Variants in P2RY8 observed in about 807,000 individuals in gnomAD.
The protein encoded by P2RY8 is S-geranylgeranyl-glutathione receptor P2RY8.
Under a neutral mutation model 10.0 loss-of-function variants are expected in P2RY8, and 6 were observed. That is an observed-to-expected ratio of 0.60 (90% CI 0.33 to 1.19). The LOEUF is 1.19. Among genes scored for constraint, P2RY8 ranks in the 50% most tolerant of loss-of-function variants. The pLI, the probability that P2RY8 is intolerant of heterozygous loss-of-function variation, is 0.04. For synonymous variants in P2RY8, 276 were observed against 252.5 expected (o/e 1.09, Z -0.88); for missense variants, 456 against 542.0 (o/e 0.84, Z 1.58).
intron 1 of P2RY8, among the ~76,000 whole-genome samples, chrX:1,509,799 A>T (rs1252152420): frequency 0.041 from 1,808 of 44,364 alleles, 49 homozygotes; most frequent in African/African-American, 0.089. Flanking sequence ...TATCCATCCT[A>T]TCTATCTATC....
intron 1 of P2RY8, among the ~76,000 whole-genome samples, chrX:1,512,326 C>T (rs774948268): frequency 6.6e-6 from 1 of 152,130 alleles, no homozygotes; most frequent in East Asian, 1.9e-4. Context: ...GTGGGTGGAT[C>T]ACCTGAGGTC....
At chrX:1,532,573 A>AGC (rs1410496528) in intron 1 of P2RY8, among the ~76,000 whole-genome samples, 1 of 151,954 alleles carries the variant, frequency 6.6e-6, no homozygotes, top group Non-Finnish European at 1.5e-5. Context: ...AGTCATGAAA[A>AGC]AGAATAGCAT....
At chrX:1,508,289 T>G (rs1316707509) in intron 1 of P2RY8, among the ~76,000 whole-genome samples, 6 of 152,100 alleles carry the variant, frequency 3.9e-5, no homozygotes, top group African/African-American at 1.2e-4. Context: ...GGGGCCACTG[T>G]GGTCCCCAGG....
At chrX:1,524,524 TCCA>T (rs2092418802) in intron 1 of P2RY8, among the ~76,000 whole-genome samples, 1 of 144,368 alleles carries the variant, frequency 6.9e-6, no homozygotes. Flanking sequence ...CATCCATCCA[TCCA>T]TTCATCCATC....
chrX:1,479,703 G>A (rs1239603006), intron 1 of P2RY8, among the ~76,000 whole-genome samples: 1 of 152,008 alleles, frequency 6.6e-6, no homozygotes, highest in Admixed American at 6.6e-5. Context: ...CAAAACCATA[G>A]GCTTGTTCTT....
intron 1 of P2RY8, among the ~76,000 whole-genome samples, chrX:1,508,756 C>A (rs2092259722): frequency 7.6e-6 from 1 of 130,978 alleles, no homozygotes; most frequent in Non-Finnish European, 1.6e-5. Context: ...CTATCTATTT[C>A]TATTATCTAT....
intron 1 of P2RY8, among the ~76,000 whole-genome samples, chrX:1,475,078 G>A (rs1488952253): frequency 1.5e-4 from 21 of 144,614 alleles, no homozygotes; most frequent in African/African-American, 5.4e-4. Flanking sequence ...TAGATGAATA[G>A]GTGTATGCCT....
intron 1 of P2RY8, among the ~76,000 whole-genome samples, chrX:1,470,113 C>T (rs56206599): frequency 0.051 from 7,727 of 152,170 alleles, 596 homozygotes; most frequent in African/African-American, 0.17. Flanking sequence ...AATTCCAGCA[C>T]TTTGGGAGGC....
At chrX:1,522,612 C>G (rs1218343614) in intron 1 of P2RY8, among the ~76,000 whole-genome samples, 1 of 151,978 alleles carries the variant, frequency 6.6e-6, no homozygotes, top group African/African-American at 2.4e-5. Context: ...GGCAACATAG[C>G]AAGACACTTT....
chrX:1,467,163 C>T (rs1363575452), intron 1 of P2RY8, among the ~76,000 whole-genome samples: 1 of 152,084 alleles, frequency 6.6e-6, no homozygotes, highest in Non-Finnish European at 1.5e-5. Context: ...GGGGCATCCA[C>T]CCACAAAGTG....
At chrX:1,513,985 C>G (rs780239562) in intron 1 of P2RY8, among the ~76,000 whole-genome samples, 45 of 152,320 alleles carry the variant, frequency 3.0e-4, no homozygotes, top group African/African-American at 7.9e-4. Flanking sequence ...ACTTTTTCAG[C>G]AAACAAAGTC....
Position 1,464,620 on chromosome X carries a change from G to A in P2RY8, c.*859C>T. On this transcript the variant is annotated 3_prime_UTR_variant, in exon 2 of 2. Coordinates refer to ENST00000381297, the MANE Select transcript of P2RY8 (RefSeq NM_178129.5). ...CACGGAGCCTCCTTTCCGCACCTGG[G>A]CCTCCCGTGGTCCTTGTCCTGAGTC... The A allele has an allele frequency of 4.3e-6, 1 of 233,390 alleles. No individual in the cohort carries two copies. Among genetic ancestry groups the A allele is most frequent in the East Asian group, 6.0e-5 (1 of 16,588 alleles). 14.5% of individuals were successfully genotyped at this position (233,390 alleles called of 1,614,324 possible).
chrX:1,505,175 C>T (rs1372280505), intron 1 of P2RY8, among the ~76,000 whole-genome samples: 1 of 149,048 alleles, frequency 6.7e-6, no homozygotes, highest in East Asian at 2.0e-4. Flanking sequence ...TCATGCTCAA[C>T]CTCAAATTGG....
chrX:1,487,724 C>A (rs2091999062), intron 1 of P2RY8, among the ~76,000 whole-genome samples: 1 of 152,156 alleles, frequency 6.6e-6, no homozygotes, highest in African/African-American at 2.4e-5. Flanking sequence ...CATCCTGGTG[C>A]TCCCTGAGGC....
intron 1 of P2RY8, among the ~76,000 whole-genome samples, chrX:1,482,158 GTGGTGT>G (rs1172643374): frequency 1.1e-4 from 12 of 113,542 alleles, no homozygotes; most frequent in East Asian, 6.6e-4. Context: ...ATTTGTGTGT[GTGGTGT>G]GTGTGTGTGT....
Position 1,494,514 on chromosome X carries a change from G to A in P2RY8, c.-24-27932C>T, listed in dbSNP as rs762250938. Among the ~76,000 whole-genome samples, 6 of 151,580 alleles carry A rather than the reference G, an allele frequency of 4.0e-5. No individual in the cohort carries two copies. The South Asian group carries it at 6.2e-4, about 16-fold the overall frequency. ...ATTTTATGTGTTTTTCTCCTAATGC[G>A]GTATTTTTCAATTAGGCTTTAAAAA... On this transcript the variant is annotated intron_variant, in intron 1 of 1. Transcript: ENST00000381297.
chrX:1,484,379 A>T (rs2149386545), intron 1 of P2RY8, among the ~76,000 whole-genome samples: 1 of 152,168 alleles, frequency 6.6e-6, no homozygotes, highest in African/African-American at 2.4e-5. Flanking sequence ...AGAAAAGGAT[A>T]TTTTAAAAGA....
chrX:1,495,298 G>A (rs187782052), intron 1 of P2RY8, among the ~76,000 whole-genome samples: 2 of 152,212 alleles, frequency 1.3e-5, no homozygotes, highest in East Asian at 3.9e-4. Context: ...ATACGTTAAA[G>A]TCCTAACCCC....
rs1250539543 is a variant in P2RY8, at chrX:1,514,896, T to C, written c.-25+22025A>G. ...CCCCTGTCTTCCTCTCCCCTCCCCT[T>C]CCCCTCCCCTCCCCTTCCCTTCCCT... On this transcript the variant is annotated intron_variant, in intron 1 of 1. Transcript: ENST00000381297. 5.6e-4 allele frequency among the ~76,000 whole-genome samples: 12 copies of C among 21,480 alleles called. No homozygotes were observed. The East Asian group carries it at 0.011, about 20-fold the overall frequency. The allele number at this position is 21,480 out of a possible 152,430, so 14.1% of individuals were successfully genotyped here. A position where few individuals can be genotyped will look rare whatever the true frequency, so the allele number is the denominator to read the frequency against.
Sources: allele counts gnomAD v4.1 joint callset (sites outside exome capture counted in the v4.1 genomes callset), GRCh38; gene constraint gnomAD v4.1.1; transcripts MANE v1.5; gene names NCBI Gene and HGNC (gene_info 2026-07-23, HGNC 2026-07-21).